The following KIAA1191 variants were observed in gnomAD, a reference collection of about 807,000 sequenced individuals.
The protein encoded by KIAA1191 is putative monooxygenase p33MONOX.
A neutral mutation model predicts 31.1 loss-of-function variants in KIAA1191; 22 were observed. The observed-to-expected ratio is 0.71, with a 90% CI of 0.51 to 1.01. KIAA1191 has a LOEUF of 1.01. Among genes scored for constraint, KIAA1191 ranks in the 50% least tolerant of loss-of-function variants. The pLI, the probability that KIAA1191 is intolerant of heterozygous loss-of-function variation, is 0.00. For synonymous variants in KIAA1191, 130 were observed against 143.9 expected (o/e 0.90, Z 0.69); for missense variants, 319 against 388.0 (o/e 0.82, Z 1.49).
At chr5:176,357,364 T>C (rs1561759929) in intron 3 of KIAA1191, 1 of 152,180 alleles carries the variant, frequency 6.6e-6, no homozygotes, top group Non-Finnish European at 1.5e-5. Flanking sequence ...TGCACAACCC[T>C]GTGAATATAC....
At position 176,346,133 on chromosome 5, in the gene KIAA1191, C is replaced by A. The variant is rs932734212; in HGVS notation, c.*1467G>T. ...AGAAGACACAAATAAATTAATTGTT[C>A]TCATAATTTTAGACTCCAGGGCCTC... On this transcript the variant is annotated 3_prime_UTR_variant, in exon 9 of 9. Transcript: ENST00000298569. 2 of 152,096 alleles carry A rather than the reference C, an allele frequency of 1.3e-5. No homozygotes were observed. Among genetic ancestry groups the A allele is most frequent in the Admixed American group, 1.3e-4 (2 of 15,280 alleles). 9.4% of individuals were successfully genotyped at this position (152,096 alleles called of 1,614,324 possible). A position where few individuals can be genotyped will look rare whatever the true frequency, so the allele number is the denominator to read the frequency against.
chr5:176,359,666 A>C, intron 2 of KIAA1191, 99 bp from the exon 3 acceptor site: 1 of 647,644 alleles, frequency 1.5e-6, no homozygotes, highest in Non-Finnish European at 2.9e-6. Context: ...CAAGGTTGAA[A>C]CACACATGCA....
At chr5:176,350,554 C>T in intron 6 of KIAA1191, 59 bp downstream of exon 6, 1 of 1,587,922 alleles carries the variant, frequency 6.3e-7, no homozygotes, top group Non-Finnish European at 8.6e-7. Context: ...AAAACCACAG[C>T]CACATTTCAA....
At position 176,348,412 on chromosome 5, in the gene KIAA1191, GAT is replaced by G; in HGVS notation, c.460-58_460-57del. On this transcript the variant is annotated intron_variant, in intron 6 of 8. Coordinates refer to ENST00000298569, the MANE Select transcript of KIAA1191 (RefSeq NM_020444.5). ...TAAAAATGAAAGCAAATTCCAAACA[GAT>G]AAGTCTAGGCATAAAAAATTTGGTT... 4.4e-6 allele frequency: 6 copies of G among 1,358,808 alleles called. No homozygotes were observed. The South Asian group carries it at 7.2e-5, about 16-fold the overall frequency. The allele number at this position is 1,358,808 out of a possible 1,614,324, so 84.2% of individuals were successfully genotyped here.
chr5:176,358,823 G>A (rs1267691031), intron 3 of KIAA1191, among the ~76,000 whole-genome samples: 3 of 152,094 alleles, frequency 2.0e-5, no homozygotes, highest in Admixed American at 6.5e-5. Flanking sequence ...GGTGGCTCAC[G>A]CCTGTAATCC....
chr5:176,354,407 G>A (rs4482915), intron 4 of KIAA1191: 69,543 of 152,070 alleles, frequency 0.46, 17,713 homozygotes, highest in Non-Finnish European at 0.58. Context: ...ACAGCCTTAC[G>A]TGAACTTGGC....
Position 176,359,526 on chromosome 5 carries a change from G to T in KIAA1191, c.-18C>A. ...GAAGCCATTGAAAGACTGGGATCCA[G>T]GTGCTTTTTCTATACAGAATTCCGA... On this transcript the variant is annotated 5_prime_UTR_variant, in exon 3 of 9. The change creates a new upstream start codon in the 5' untranslated region. Transcript: ENST00000298569. 1 of 1,611,598 alleles carries T rather than the reference G, an allele frequency of 6.2e-7. No homozygotes were observed. Among genetic ancestry groups the T allele is most frequent in the Non-Finnish European group, 8.5e-7 (1 of 1,177,884 alleles).
chr5:176,354,227 G>C (rs935732220), intron 4 of KIAA1191: 1 of 152,262 alleles, frequency 6.6e-6, no homozygotes, highest in African/African-American at 2.4e-5. Context: ...CCAACTCTCA[G>C]AGAGAGACAC....
chr5:176,356,090 G>A (rs1405400363), intron 3 of KIAA1191: 2 of 264,790 alleles, frequency 7.6e-6, no homozygotes, highest in East Asian at 1.3e-4. Flanking sequence ...TCAGCCTAGC[G>A]AGTAGTTGGG....
chr5:176,347,580 G>A lies in KIAA1191; in HGVS notation c.*20C>T, dbSNP rs781692714. ...GGGATGCAAGAAACCACCTTTACCA[G>A]AATCCCTGGAAAGAGGGCTCTAGAA... On this transcript the variant is annotated 3_prime_UTR_variant, in exon 9 of 9. Coordinates refer to ENST00000298569, the MANE Select transcript of KIAA1191 (RefSeq NM_020444.5). The A allele has an allele frequency of 2.0e-6, 3 of 1,466,092 alleles. No individual in the cohort carries two copies. The highest frequency in any genetic ancestry group is 1.4e-5 in the African/African-American group (1 of 70,668). 90.8% of individuals were successfully genotyped at this position (1,466,092 alleles called of 1,614,324 possible).
chr5:176,348,601 C>A (rs1766724681), intron 6 of KIAA1191, among the ~76,000 whole-genome samples: 2 of 150,844 alleles, frequency 1.3e-5, no homozygotes, highest in South Asian at 4.2e-4. Context: ...AAGCTTTACA[C>A]TACAACTTTT....
rs202202440 is a variant in KIAA1191, at chr5:176,347,748, C to T, written c.770G>A (p.Arg257His). Reference sequence around the variant, plus strand: ...TTCAGCCATTCGGTTGGCCTGGGCACGTATCAGTTCCAATGGAGAGGGCTT... The same window carrying T: ...TTCAGCCATTCGGTTGGCCTGGGCATGTATCAGTTCCAATGGAGAGGGCTT... Reference protein sequence around the residue: ...AQKPSPLELIRAQANRMAEDP... With the variant: ...AQKPSPLELIHAQANRMAEDP... Residue 257 changes from arginine (R) to histidine (H), a missense_variant, in exon 9 of 9, where the codon CGT (arginine) becomes CAT (histidine). Coordinates refer to ENST00000298569, the MANE Select transcript of KIAA1191 (RefSeq NM_020444.5). 1.4e-5 allele frequency: 23 copies of T among 1,609,990 alleles called. No homozygotes were observed. Among genetic ancestry groups the T allele is most frequent in the East Asian group, 4.5e-5 (2 of 44,842 alleles).
chr5:176,348,216 G>T, intron 7 of KIAA1191, 34 bp downstream of exon 7: 3 of 1,599,532 alleles, frequency 1.9e-6, no homozygotes, highest in Non-Finnish European at 2.6e-6. Context: ...CCTGAAGCAC[G>T]CAGGAACTCG....
Position 176,355,706 on chromosome 5 carries a change from G to A in KIAA1191, c.72C>T (p.Ile24=), listed in dbSNP as rs765051317. ...SAPLGKMSLP[I]GIYRRAVSYD... ...AGCTGACTGCCCGGCGGTATATCCC[G>A]ATGGGCAGGGACATCTTGCCTAGAG... The change falls in exon 4 of 9, where the codon ATC becomes ATT. Residue 24 remains isoleucine, a synonymous_variant. Transcript: ENST00000298569. This position sits in a 1 kb window ranked among gnomAD's most constrained non-coding sequence, Gnocchi z 4.2. The A allele has an allele frequency of 8.1e-6, 13 of 1,613,926 alleles. No individual in the cohort carries two copies. The highest frequency in any genetic ancestry group is 6.7e-5 in the Admixed American group (4 of 60,032).
chr5:176,349,032 C>T (rs1176320786), intron 6 of KIAA1191: 2 of 152,350 alleles, frequency 1.3e-5, no homozygotes, highest in Non-Finnish European at 2.9e-5. Context: ...ACAATGATCA[C>T]GTTTGAATTT....
At chr5:176,359,171 TA>T (rs781346200) in intron 3 of KIAA1191, among the ~76,000 whole-genome samples, 15 of 148,760 alleles carry the variant, frequency 1.0e-4, no homozygotes, top group Non-Finnish European at 1.8e-4. Context: ...ATACAAAAAT[TA>T]GCTGGGTGTG....
Position 176,350,632 on chromosome 5 carries a change from C to G in KIAA1191, c.440G>C (p.Arg147Pro), listed in dbSNP as rs772415021. 1.2e-6 allele frequency: 2 copies of G among 1,613,950 alleles called. No individual in the cohort carries two copies. Among genetic ancestry groups the G allele is most frequent in the South Asian group, 1.1e-5 (1 of 91,058 alleles). Reference protein sequence around the residue: ...GLTTEETKYLRVAEALHKLKL... With the variant: ...GLTTEETKYLPVAEALHKLKL... ...GCTTACGTGGAGTGCTTCGGCCACTCGAAGGTACTTGGTCTCCTCGGTGGT... is the reference window on the plus strand; with the variant it reads ...GCTTACGTGGAGTGCTTCGGCCACTGGAAGGTACTTGGTCTCCTCGGTGGT... Residue 147 changes from arginine (R) to proline (P), a missense_variant, in exon 6 of 9, where the codon CGA (arginine) becomes CCA (proline). Transcript: ENST00000298569.
chr5:176,347,600 C>T lies in KIAA1191; in HGVS notation c.918G>A (p.Ter306=), dbSNP rs778010081. The change falls in exon 9 of 9, where the codon TAG becomes TAA. Residue 306 remains the stop codon, a stop_retained_variant. Transcript: ENST00000298569. ...TACCAGAATCCCTGGAAAGAGGGCT[C>T]TAGAAGCCAGTGGGTGTGAGCACAT... ...DLNVLTPTGF[*] The T allele has an allele frequency of 4.0e-6, 6 of 1,492,606 alleles. No homozygotes were observed. The highest frequency in any genetic ancestry group is 5.4e-6 in the Non-Finnish European group (6 of 1,120,958). The allele number at this position is 1,492,606 out of a possible 1,614,324, so 92.5% of individuals were successfully genotyped here.
At chr5:176,354,777 C>T (rs1767356523) in intron 4 of KIAA1191, among the ~76,000 whole-genome samples, 1 of 152,070 alleles carries the variant, frequency 6.6e-6, no homozygotes, top group Non-Finnish European at 1.5e-5. Context: ...TAGACATGGC[C>T]CCTGTCCTCA....
Sources: allele counts gnomAD v4.1 joint callset (sites outside exome capture counted in the v4.1 genomes callset), GRCh38; gene constraint gnomAD v4.1.1; non-coding constraint Gnocchi (gnomAD v3.1); transcripts MANE v1.5; gene names NCBI Gene and HGNC (gene_info 2026-07-23, HGNC 2026-07-21).